PRKG1: variants seen among roughly 807,000 people sequenced by gnomAD.
PRKG1 encodes cGMP-dependent protein kinase 1.
PRKG1 carries 35 observed loss-of-function variants against 88.1 expected under a neutral mutation model. The ratio of observed to expected loss-of-function variants is 0.40; its 90% CI spans 0.30 to 0.53. The LOEUF (loss-of-function observed/expected upper bound fraction) is 0.53, where lower values mean the gene tolerates loss of function less well. PRKG1 is among the 20% of genes least tolerant of loss of function. The probability of loss-of-function intolerance (pLI) is 0.59; values close to 1 mark genes in which losing one functional copy is unlikely to be tolerated. For synonymous variants in PRKG1, 303 were observed against 292.5 expected, an observed-to-expected ratio of 1.04 and a Z score of -0.37; for missense variants, 540 against 839.8, an observed-to-expected ratio of 0.64 and a Z score of 4.41.
chr10:52,262,611 T>A (rs1485334646), intron 10 of PRKG1, among the ~76,000 whole-genome samples: 2 of 152,056 alleles, frequency 1.3e-5, no homozygotes, highest in East Asian at 1.9e-4. Context: ...GGCTTTAGGA[T>A]GTCATATGGA....
At chr10:51,916,074 A>T (rs1345328742) in intron 5 of PRKG1, among the ~76,000 whole-genome samples, 1 of 152,188 alleles carries the variant, frequency 6.6e-6, no homozygotes, top group African/African-American at 2.4e-5. Flanking sequence ...ACATGGGGTT[A>T]CCGCGTTGTC....
chr10:51,193,301 T>G (rs1277840827), intron 2 of PRKG1, among the ~76,000 whole-genome samples: 1 of 152,024 alleles, frequency 6.6e-6, no homozygotes, highest in Admixed American at 6.6e-5. Context: ...CTGGAGGTAC[T>G]GTTGAATATG....
At position 51,473,953 on chromosome 10, in the gene PRKG1, A is replaced by G. The variant is rs147340117; in HGVS notation, c.592+6117A>G. On this transcript the variant is annotated intron_variant, in intron 3 of 17. Coordinates refer to ENST00000373980, the MANE Select transcript of PRKG1 (RefSeq NM_006258.4). The stretch of plus-strand genomic sequence containing the variant: ...TCAACTGATTTGAGGAATAAAAAGT[A>G]AACTAGTAACATAGGCCAATACTGT... Among the ~76,000 whole-genome samples the G allele has an allele frequency of 7.3e-4, 111 of 152,090 alleles. No homozygotes were observed. In the East Asian group the frequency reaches 0.012, roughly 16 times the overall value.
At chr10:52,282,422 A>C (rs1450858351) in intron 14 of PRKG1, 106 bp downstream of exon 14, 8 of 1,101,728 alleles carry the variant, frequency 7.3e-6, no homozygotes, top group African/African-American at 1.6e-5. Context: ...TTTTCACCAT[A>C]TCTTGGTACC....
intron 3 of PRKG1, among the ~76,000 whole-genome samples, chr10:51,508,040 T>C (rs1287567768): frequency 3.3e-5 from 5 of 152,174 alleles, no homozygotes; most frequent in Non-Finnish European, 7.3e-5. Flanking sequence ...CTGTGGAGTC[T>C]GATAGTCCAG....
chr10:51,979,797 A>G (rs1408959576), intron 5 of PRKG1, among the ~76,000 whole-genome samples: 5 of 151,820 alleles, frequency 3.3e-5, no homozygotes, highest in African/African-American at 1.2e-4. Context: ...TGTTCATAAT[A>G]TTCTTTGATA....
At chr10:52,215,394 C>CA (rs565578326) in intron 9 of PRKG1, among the ~76,000 whole-genome samples, 1,554 of 95,760 alleles carry the variant, frequency 0.016, 10 homozygotes, top group Middle Eastern at 0.025. Flanking sequence ...AACTCCATCT[C>CA]AAAAAAAAAA....
intron 9 of PRKG1, among the ~76,000 whole-genome samples, chr10:52,211,971 A>G (rs1206594032): frequency 1.3e-5 from 2 of 152,196 alleles, no homozygotes; most frequent in African/African-American, 2.4e-5. Flanking sequence ...GTGTGTTTTA[A>G]TGCAAATTAA....
At chr10:51,412,180 T>TGAGAGAGAGA (rs746950388) in intron 2 of PRKG1, among the ~76,000 whole-genome samples, 32 of 125,328 alleles carry the variant, frequency 2.6e-4, no homozygotes, top group African/African-American at 7.0e-4. Flanking sequence ...GGAGAGAGAG[T>TGAGAGAGAGA]GAGAGAGAGA....
intron 3 of PRKG1, among the ~76,000 whole-genome samples, chr10:51,715,049 T>C (rs1462028065): frequency 6.6e-6 from 1 of 152,210 alleles, no homozygotes; most frequent in East Asian, 1.9e-4. Flanking sequence ...TATGAGCTGT[T>C]CATTGGTATA....
At chr10:50,999,814 A>G (rs1391766984) in intron 1 of PRKG1, among the ~76,000 whole-genome samples, 1 of 152,194 alleles carries the variant, frequency 6.6e-6, no homozygotes, top group Non-Finnish European at 1.5e-5. Context: ...ATATGCTAAA[A>G]ATTTTCCAAA....
intron 3 of PRKG1, among the ~76,000 whole-genome samples, chr10:51,694,605 A>G (rs950431074): frequency 4.4e-4 from 67 of 152,322 alleles, no homozygotes; most frequent in African/African-American, 1.5e-3. Flanking sequence ...CATAATCCCA[A>G]AAAACATGTA....
At chr10:51,162,298 A>ATTTGAGAAACACAGGCTGCTG (rs1846384447) in intron 2 of PRKG1, among the ~76,000 whole-genome samples, 1 of 151,262 alleles carries the variant, frequency 6.6e-6, no homozygotes, top group South Asian at 2.1e-4. Context: ...GAATTCTCCC[A>ATTTGAGAAACACAGGCTGCTG]TGTCTCCACA....
chr10:51,456,546 A>C (rs1009760315), intron 2 of PRKG1, among the ~76,000 whole-genome samples: 6 of 152,336 alleles, frequency 3.9e-5, no homozygotes, highest in Non-Finnish European at 8.8e-5. Flanking sequence ...CAAAGAATTC[A>C]TGACAAAGAA....
At chr10:51,418,016 G>C (rs1236499817) in intron 2 of PRKG1, among the ~76,000 whole-genome samples, 1 of 152,166 alleles carries the variant, frequency 6.6e-6, no homozygotes, top group Non-Finnish European at 1.5e-5. Context: ...TTGCCTTTCT[G>C]TCTTCCTTAC....
chr10:51,334,808 A>G (rs1164464667), intron 2 of PRKG1, among the ~76,000 whole-genome samples: 2 of 152,142 alleles, frequency 1.3e-5, no homozygotes, highest in Admixed American at 6.6e-5. Context: ...CATGGTGACT[A>G]AAGGAGCCCT....
chr10:51,464,329 A>G (rs1189571944), intron 2 of PRKG1, among the ~76,000 whole-genome samples: 6 of 152,048 alleles, frequency 3.9e-5, no homozygotes, highest in Non-Finnish European at 7.4e-5. Flanking sequence ...CTATCATATG[A>G]CATCACATCC....
chr10:51,917,209 C>T (rs1842360920), intron 5 of PRKG1, among the ~76,000 whole-genome samples: 1 of 151,468 alleles, frequency 6.6e-6, no homozygotes, highest in Non-Finnish European at 1.5e-5. Flanking sequence ...GTCCTACCTA[C>T]TCAGGAGGCT....
chr10:51,030,884 C>A (rs1169005160), intron 1 of PRKG1, among the ~76,000 whole-genome samples: 1 of 152,166 alleles, frequency 6.6e-6, no homozygotes, highest in Non-Finnish European at 1.5e-5. Context: ...CCATTTAAAC[C>A]TCTTTTCTTT....
Sources: allele counts gnomAD v4.1 joint callset (sites outside exome capture counted in the v4.1 genomes callset), GRCh38; gene constraint gnomAD v4.1.1; transcripts MANE v1.5; gene names NCBI Gene and HGNC (gene_info 2026-07-23, HGNC 2026-07-21).